Variants in ASCC1 observed in about 807,000 individuals in gnomAD.
The protein encoded by ASCC1 is activating signal cointegrator 1 complex subunit 1.
In ASCC1, 35 loss-of-function variants were observed where a neutral mutation model predicts 46.6. The ratio of observed to expected loss-of-function variants is 0.75; its 90% confidence interval spans 0.57 to 0.99. ASCC1 has a LOEUF of 0.99. Ranked by LOEUF, ASCC1 falls within the 50% of genes least tolerant of loss-of-function variation. The pLI is 0.00. For missense variants in ASCC1, 376 were observed against 428.7 expected (o/e 0.88, Z 1.09); for synonymous variants, 143 against 146.6 (o/e 0.98, Z 0.18).
chr10:72,153,427 G>GTTTGT (rs1174782161), intron 6 of ASCC1, among the ~76,000 whole-genome samples: 2 of 148,976 alleles, frequency 1.3e-5, no homozygotes, highest in African/African-American at 2.6e-5. Context: ...TTTTTTGTTT[G>GTTTGT]TTTGTTTTGT....
rs764646626 is a variant in ASCC1, at chr10:72,203,433, C to A, written c.304G>T (p.Glu102Ter). 6.2e-7 allele frequency: 1 copy of A among 1,611,648 alleles called. No homozygotes were observed. Among genetic ancestry groups the A allele is most frequent in the Non-Finnish European group, 8.5e-7 (1 of 1,177,938 alleles). Residue 102 changes from glutamate (E) to a stop codon, truncating the protein, a stop_gained, in exon 4 of 10, where the codon GAA becomes TAA. Coordinates refer to ENST00000672957, the MANE Select transcript of ASCC1 (RefSeq NM_001198800.3). LOFTEE classifies it high-confidence loss of function. ...TATATCTACTGAGTCTCACCAATTT[C>A]CCCGTCTTGTCCAGGTTTAGGAATG... ...ISIPKPGQDG[E>*]IVITGQHRNG...
chr10:72,138,056 G>GGT (rs1387824059), intron 7 of ASCC1, among the ~76,000 whole-genome samples: 1 of 152,002 alleles, frequency 6.6e-6, no homozygotes, highest in Non-Finnish European at 1.5e-5. Flanking sequence ...GTAGAGACAG[G>GGT]GTTTTGCCAT....
intron 7 of ASCC1, among the ~76,000 whole-genome samples, chr10:72,134,864 A>G (rs982848268): frequency 6.6e-6 from 1 of 152,214 alleles, no homozygotes; most frequent in African/African-American, 2.4e-5. Context: ...CGAGAAAAGA[A>G]AAAAAGCAAA....
intron 5 of ASCC1, among the ~76,000 whole-genome samples, chr10:72,169,551 C>T (rs1850793944): frequency 6.6e-6 from 1 of 151,938 alleles, no homozygotes; most frequent in Admixed American, 6.6e-5. Flanking sequence ...AAAAAAAACA[C>T]AGGACAAATA....
At chr10:72,110,861 T>G (rs1327549482) in intron 9 of ASCC1, among the ~76,000 whole-genome samples, 4 of 152,134 alleles carry the variant, frequency 2.6e-5, no homozygotes, top group Non-Finnish European at 4.4e-5. Flanking sequence ...ATAACAGCTA[T>G]CCAAATAATG....
intron 4 of ASCC1, among the ~76,000 whole-genome samples, chr10:72,202,535 TCAAAG>T (rs1856638725): frequency 6.6e-6 from 1 of 151,940 alleles, no homozygotes; most frequent in South Asian, 2.1e-4. Flanking sequence ...TGCCCCTCAC[TCAAAG>T]CCATTGTACA....
intron 8 of ASCC1, 69 bp from the exon 9 acceptor site, chr10:72,128,236 G>T: frequency 2.1e-6 from 3 of 1,396,926 alleles, no homozygotes; most frequent in South Asian, 1.2e-5. Context: ...ATTTCTATAG[G>T]TACATAGGTA....
intron 4 of ASCC1, chr10:72,198,483 C>G (rs548614163): frequency 2.2e-6 from 1 of 452,076 alleles, no homozygotes; most frequent in African/African-American, 2.0e-5. Flanking sequence ...AAGGCCAAGG[C>G]AGGAGGATTG....
chr10:72,203,584 A>C, intron 3 of ASCC1, 60 bp from the exon 4 acceptor site: 1 of 1,207,492 alleles, frequency 8.3e-7, no homozygotes, highest in Non-Finnish European at 1.2e-6. Flanking sequence ...AAAGAACCTC[A>C]TTATGTTTAA....
intron 6 of ASCC1, chr10:72,159,043 G>A (rs1223809901): frequency 6.6e-6 from 1 of 152,078 alleles, no homozygotes; most frequent in Non-Finnish European, 1.5e-5. Context: ...GCATGTGATG[G>A]GAGAAATCAG....
At chr10:72,191,560 A>C (rs1854508252) in intron 5 of ASCC1, among the ~76,000 whole-genome samples, 1 of 152,144 alleles carries the variant, frequency 6.6e-6, no homozygotes, top group African/African-American at 2.4e-5. Flanking sequence ...CTCGTACAAA[A>C]AAATTACTGA....
intron 7 of ASCC1, among the ~76,000 whole-genome samples, chr10:72,151,993 T>TTA (rs1491469310): frequency 2.4e-4 from 1 of 4,204 alleles, no homozygotes; most frequent in Admixed American, 0.021. Flanking sequence ...CCGGCCAATA[T>TTA]TTTTTTTTTT....
intron 1 of ASCC1, among the ~76,000 whole-genome samples, chr10:72,214,080 T>C (rs1467705102): frequency 6.6e-6 from 1 of 151,376 alleles, no homozygotes; most frequent in East Asian, 1.9e-4. Context: ...GGGCCAGGCA[T>C]GGTGGCTTAC....
At chr10:72,197,660 C>G (rs1855663767) in intron 4 of ASCC1, among the ~76,000 whole-genome samples, 1 of 151,934 alleles carries the variant, frequency 6.6e-6, no homozygotes, top group Non-Finnish European at 1.5e-5. Context: ...AATCCCAACA[C>G]TTTGGGAGGC....
intron 7 of ASCC1, among the ~76,000 whole-genome samples, chr10:72,147,155 TA>T (rs1167240054): frequency 6.6e-6 from 1 of 151,298 alleles, no homozygotes; most frequent in Admixed American, 6.6e-5. Context: ...GGAAGAGGAA[TA>T]GACAATAGAA....
chr10:72,171,814 T>G (rs1851123805), intron 5 of ASCC1, among the ~76,000 whole-genome samples: 1 of 152,240 alleles, frequency 6.6e-6, no homozygotes, highest in Non-Finnish European at 1.5e-5. Flanking sequence ...TTTGGGATTA[T>G]GATGTGAATA....
intron 5 of ASCC1, among the ~76,000 whole-genome samples, chr10:72,194,092 G>A (rs2133229629): frequency 6.6e-6 from 1 of 151,508 alleles, no homozygotes; most frequent in South Asian, 2.1e-4. Flanking sequence ...CACCATGTTA[G>A]CCAGGATGGT....
chr10:72,197,398 G>A (rs997936515), intron 4 of ASCC1, among the ~76,000 whole-genome samples: 1 of 150,536 alleles, frequency 6.6e-6, no homozygotes, highest in Non-Finnish European at 1.5e-5. Context: ...AACCCAGGAG[G>A]TGGAGCTTGC....
chr10:72,196,279 C>CT (rs573100323), intron 5 of ASCC1, among the ~76,000 whole-genome samples: 18,146 of 136,356 alleles, frequency 0.13, 3,137 homozygotes, highest in African/African-American at 0.4. Flanking sequence ...TGTCTTAAAT[C>CT]TTTTTTTTTT....
Sources: allele counts gnomAD v4.1 joint callset (sites outside exome capture counted in the v4.1 genomes callset), GRCh38; gene constraint gnomAD v4.1.1; transcripts MANE v1.5; gene names NCBI Gene and HGNC (gene_info 2026-07-23, HGNC 2026-07-21).